Variants in AGAP1 observed in about 807,000 individuals in gnomAD.
AGAP1 encodes the protein arf-GAP with GTPase, ANK repeat and PH domain-containing protein 1.
AGAP1 carries 29 observed loss-of-function variants against 105.3 expected under a neutral mutation model. That is an observed-to-expected ratio of 0.28 (90% CI 0.21 to 0.38). AGAP1 has a LOEUF of 0.38. Ranked by LOEUF, AGAP1 falls within the 10% of genes least tolerant of loss-of-function variation. The probability of loss-of-function intolerance (pLI) is 1.00; values close to 1 mark genes in which losing one functional copy is unlikely to be tolerated. For missense variants in AGAP1, 998 were observed against 1,165.1 expected (o/e 0.86, Z 2.09); for synonymous variants, 509 against 485.9 (o/e 1.05, Z -0.63).
chr2:235,542,450 A>G (rs1172132261), intron 1 of AGAP1, among the ~76,000 whole-genome samples: 1 of 152,214 alleles, frequency 6.6e-6, no homozygotes, highest in African/African-American at 2.4e-5. Flanking sequence ...AGAGCTCATC[A>G]ACTCCCAGCC....
At position 235,744,016 on chromosome 2, in the gene AGAP1, T is replaced by C. The variant is rs1419242734; in HGVS notation, c.397-682T>C. The stretch of plus-strand genomic sequence containing the variant: ...AAAGAGGATGTGATGTAGGTTCAAC[T>C]GGCAAGACAAGAATAAAATGAATAC... On this transcript the variant is annotated intron_variant, in intron 4 of 17. Transcript: ENST00000304032. This position sits in a 1 kb window ranked among gnomAD's most constrained non-coding sequence, Gnocchi z 5.2. Among the ~76,000 whole-genome samples, 1 of 152,200 alleles carries C rather than the reference T, an allele frequency of 6.6e-6. No individual in the cohort carries two copies. The highest frequency in any genetic ancestry group is 2.4e-5 in the African/African-American group (1 of 41,454).
chr2:235,589,189 GTTTT>G (rs1945235780), intron 1 of AGAP1, among the ~76,000 whole-genome samples: 1 of 54,926 alleles, frequency 1.8e-5, no homozygotes, highest in African/African-American at 5.1e-5. Context: ...ATAGCTTATT[GTTTT>G]GTTTTTTTTT....
At chr2:236,112,576 T>C (rs1364819268) in intron 16 of AGAP1, among the ~76,000 whole-genome samples, 1 of 152,212 alleles carries the variant, frequency 6.6e-6, no homozygotes, top group Non-Finnish European at 1.5e-5. Flanking sequence ...GTTGGCTGTC[T>C]TGCTGTCTGT....
Position 235,853,595 on chromosome 2 carries a change from T to C in AGAP1, c.1051-29750T>C, listed in dbSNP as rs182803319. 3.9e-5 allele frequency among the ~76,000 whole-genome samples: 6 copies of C among 152,314 alleles called. No individual in the cohort carries two copies. In the East Asian group the frequency reaches 1.2e-3, roughly 29 times the overall value. On this transcript the variant is annotated intron_variant, in intron 9 of 17. Transcript: ENST00000304032. ...TTCCAGACCACCCTATGGTAATTATTTGGGGACTTAAGGCCAGAATGTTTT... is the reference window on the plus strand; with the variant it reads ...TTCCAGACCACCCTATGGTAATTATCTGGGGACTTAAGGCCAGAATGTTTT...
In AGAP1 at chr2:235,891,220, G is replaced by A. The variant is rs976488247; in HGVS notation, c.1155+7771G>A. Among the ~76,000 whole-genome samples, 4 of 152,074 alleles carry A rather than the reference G, an allele frequency of 2.6e-5. No individual in the cohort carries two copies. The highest frequency in any genetic ancestry group is 2.1e-4 in the South Asian group (1 of 4,816). ...CTAACAGCTCCTTTATCTCCACTTCGCATTTTGCAATGATAACCCTAAACA... is the reference window on the plus strand; with the variant it reads ...CTAACAGCTCCTTTATCTCCACTTCACATTTTGCAATGATAACCCTAAACA... On this transcript the variant is annotated intron_variant, in intron 10 of 17. Coordinates refer to ENST00000304032, the MANE Select transcript of AGAP1 (RefSeq NM_001037131.3). This position sits in a 1 kb window ranked among gnomAD's most constrained non-coding sequence, Gnocchi z 4.2.
chr2:235,536,032 G>C (rs1460548704), intron 1 of AGAP1, among the ~76,000 whole-genome samples: 1 of 151,874 alleles, frequency 6.6e-6, no homozygotes, highest in African/African-American at 2.4e-5. Context: ...TCCCCTGGTG[G>C]TGCCTCCTCT....
In AGAP1 at chr2:235,904,699, G is replaced by C. The variant is rs933535011; in HGVS notation, c.1156-4039G>C. On this transcript the variant is annotated intron_variant, in intron 10 of 17. Transcript: ENST00000304032. This position sits in a 1 kb window ranked among gnomAD's most constrained non-coding sequence, Gnocchi z 4.2. The stretch of plus-strand genomic sequence containing the variant: ...GTCTGCACAGCCCCTTGACTTCTAC[G>C]GAGGACATTGTTTAGTGGTTGTAGC... Among the ~76,000 whole-genome samples, 4 of 151,656 alleles carry C rather than the reference G, an allele frequency of 2.6e-5. No homozygotes were observed. The highest frequency in any genetic ancestry group is 4.9e-5 in the African/African-American group (2 of 40,964).
chr2:235,952,770 C>T (rs1028180568), intron 12 of AGAP1, among the ~76,000 whole-genome samples: 2 of 145,176 alleles, frequency 1.4e-5, no homozygotes, highest in Admixed American at 1.3e-4. Context: ...GATGGTGTCC[C>T]TCGGTGCTGA....
intron 13 of AGAP1, among the ~76,000 whole-genome samples, chr2:236,024,767 G>T (rs1043335115): frequency 1.3e-5 from 2 of 152,358 alleles, no homozygotes; most frequent in Admixed American, 1.3e-4. Context: ...GGCCTTGTCT[G>T]CATAGAAACT....
At position 235,729,513 on chromosome 2, in the gene AGAP1, G is replaced by T. The variant is rs945496654; in HGVS notation, c.311-11450G>T. 6.6e-6 allele frequency among the ~76,000 whole-genome samples: 1 copy of T among 152,092 alleles called. No individual in the cohort carries two copies. The highest frequency in any genetic ancestry group is 2.4e-5 in the African/African-American group (1 of 41,386). On this transcript the variant is annotated intron_variant, in intron 3 of 17. Coordinates refer to ENST00000304032, the MANE Select transcript of AGAP1 (RefSeq NM_001037131.3). This position sits in a 1 kb window ranked among gnomAD's most constrained non-coding sequence, Gnocchi z 5.0. ...ATGCTGTAGGGGCAGTCTCACGGCG[G>T]TCTCACCTCTGCCACCTGTGGATGA...
intron 13 of AGAP1, among the ~76,000 whole-genome samples, chr2:236,010,462 T>C (rs899281365): frequency 3.3e-5 from 5 of 152,242 alleles, no homozygotes; most frequent in African/African-American, 1.2e-4. Context: ...AGAAATGTTC[T>C]GTGAATTAAA....
At position 236,021,190 on chromosome 2, in the gene AGAP1, A is replaced by G. The variant is rs564944675; in HGVS notation, c.1646-15371A>G. 5.7e-4 allele frequency among the ~76,000 whole-genome samples: 87 copies of G among 151,596 alleles called. 1 individual carries two copies. The highest frequency in any genetic ancestry group is 3.4e-3 in the Middle Eastern group (1 of 294). The stretch of plus-strand genomic sequence containing the variant: ...CAAAAAAAAAAAAAAAAAAACTAAT[A>G]CAGATAACTTCAGATTTAGGAAACC... On this transcript the variant is annotated intron_variant, in intron 13 of 17. Coordinates refer to ENST00000304032, the MANE Select transcript of AGAP1 (RefSeq NM_001037131.3).
chr2:235,583,455 C>G (rs1944999897), intron 1 of AGAP1, among the ~76,000 whole-genome samples: 1 of 152,084 alleles, frequency 6.6e-6, no homozygotes, highest in South Asian at 2.1e-4. Flanking sequence ...CTGCTTCAGG[C>G]CGGTGGTTGT....
chr2:235,954,142 G>A (rs2053850408), intron 12 of AGAP1, among the ~76,000 whole-genome samples: 1 of 152,062 alleles, frequency 6.6e-6, no homozygotes, highest in Non-Finnish European at 1.5e-5. Flanking sequence ...GGGAGGCTGA[G>A]GCAGGAGAAT....
chr2:236,099,466 G>T (rs964187241), intron 16 of AGAP1, among the ~76,000 whole-genome samples: 37 of 150,510 alleles, frequency 2.5e-4, no homozygotes, highest in African/African-American at 9.1e-4. Flanking sequence ...AAAAAAAAAA[G>T]AAAAGAAATA....
chr2:235,654,507 G>A (rs2316912), intron 1 of AGAP1, among the ~76,000 whole-genome samples: 111,795 of 152,206 alleles, frequency 0.73, 42,035 homozygotes, highest in African/African-American at 0.89. Flanking sequence ...ATATTTTAAT[G>A]GGTGCATTGC....
intron 12 of AGAP1, among the ~76,000 whole-genome samples, chr2:235,941,488 A>T (rs2053255729): frequency 6.6e-6 from 1 of 152,184 alleles, no homozygotes; most frequent in Admixed American, 6.5e-5. Context: ...TAAGGAAACA[A>T]ATTGAAATGT....
chr2:235,533,231 A>G (rs1011768913), intron 1 of AGAP1, among the ~76,000 whole-genome samples: 17 of 152,242 alleles, frequency 1.1e-4, no homozygotes, highest in African/African-American at 3.9e-4. Context: ...CAAGCTCACT[A>G]GAAACCGTCA....
chr2:235,498,745 G>T (rs1349515000), intron 1 of AGAP1, among the ~76,000 whole-genome samples: 1 of 152,170 alleles, frequency 6.6e-6, no homozygotes, highest in Admixed American at 6.5e-5. Context: ...CCCACGCATC[G>T]CCGGGAAGGT....
Sources: gnomAD v4.1 joint callset for allele counts (sites outside exome capture counted in the v4.1 genomes callset) on GRCh38, gnomAD v4.1.1 for gene constraint, Gnocchi (gnomAD v3.1) non-coding constraint, MANE v1.5 for transcripts, NCBI Gene and HGNC (gene_info 2026-07-23, HGNC 2026-07-21) for gene names.